The following MARCHF7 variants were observed in gnomAD, a reference collection of about 807,000 sequenced individuals.
MARCHF7 encodes E3 ubiquitin-protein ligase MARCHF7.
In MARCHF7, 20 loss-of-function variants were observed where a neutral mutation model predicts 76.5. The ratio of observed to expected loss-of-function variants is 0.26; its 90% CI spans 0.18 to 0.38. The LOEUF (loss-of-function observed/expected upper bound fraction) is 0.38. Among genes scored for constraint, MARCHF7 ranks in the 10% least tolerant of loss-of-function variants. The probability of loss-of-function intolerance (pLI) is 1.00; values close to 1 mark genes in which losing one functional copy is unlikely to be tolerated. For synonymous variants in MARCHF7, 295 were observed against 293.0 expected, an observed-to-expected ratio of 1.01 and a Z score of -0.07; for missense variants, 797 against 812.9, an observed-to-expected ratio of 0.98 and a Z score of 0.24.
chr2:159,723,288 T>C (rs1339760529), intron 3 of MARCHF7, among the ~76,000 whole-genome samples: 2 of 152,236 alleles, frequency 1.3e-5, no homozygotes, highest in Non-Finnish European at 2.9e-5. Flanking sequence ...AAGCCGATGG[T>C]AGAAAAGATT....
At chr2:159,762,174 A>G (rs1416258325) in intron 9 of MARCHF7, among the ~76,000 whole-genome samples, 9 of 152,214 alleles carry the variant, frequency 5.9e-5, no homozygotes, top group Non-Finnish European at 1.3e-4. Flanking sequence ...AACTTTTGTT[A>G]TCTCTCCCTT....
At chr2:159,742,829 C>T (rs1704303734) in intron 4 of MARCHF7, among the ~76,000 whole-genome samples, 1 of 152,024 alleles carries the variant, frequency 6.6e-6, no homozygotes, top group South Asian at 2.1e-4. Flanking sequence ...GCCAGCTACT[C>T]AGGAGGCTGA....
chr2:159,767,301 G>A lies in MARCHF7; in HGVS notation c.2074G>A (p.Glu692Lys). Residue 692 changes from glutamate (E) to lysine (K), a missense_variant, in exon 12 of 12, where the codon GAA (glutamate) becomes AAA (lysine). By Grantham distance (56) the Glu-to-Lys change is moderately conservative (BLOSUM62 1). This residue lies in a region of MARCHF7 where 124 missense variants were observed against 121.3 expected (regional missense o/e 1.02). Transcript: ENST00000409175. ...EDLETSEDDSEEDGDHNRTFD... is the reference protein window; with the variant it reads ...EDLETSEDDSKEDGDHNRTFD... ...TTCAACAGCTTCAGAGGATGATTCC[G>A]AAGAAGACGGAGACCATAACAGGAC... 6.2e-7 allele frequency: 1 copy of A among 1,610,832 alleles called. No homozygotes were observed.
At chr2:159,736,781 A>G (rs533981355) in intron 4 of MARCHF7, among the ~76,000 whole-genome samples, 1 of 152,350 alleles carries the variant, frequency 6.6e-6, no homozygotes, top group East Asian at 1.9e-4. Flanking sequence ...TGCTAGTTAT[A>G]TAAAGTCTTG....
In MARCHF7 at chr2:159,748,819, G is replaced by A. The variant is rs1389293787; in HGVS notation, c.1529G>A (p.Gly510Asp). The A allele has an allele frequency of 6.2e-7, 1 of 1,614,078 alleles. No homozygotes were observed. The highest frequency in any genetic ancestry group is 1.1e-5 in the South Asian group (1 of 91,074). Residue 510 changes from glycine (G) to aspartate (D), a missense_variant, in exon 7 of 12, where the codon GGT (glycine) becomes GAT (aspartate). Physicochemically the swap from Gly to Asp is moderately conservative, Grantham distance 94. Coordinates refer to ENST00000409175, the MANE Select transcript of MARCHF7 (RefSeq NM_001282805.2). The stretch of plus-strand genomic sequence containing the variant: ...ATCACAGTAGATATTATTCCTTCAG[G>A]TTGGAATTCAGCTGATGGTAAAAGT... ...VMITVDIIPS[G>D]WNSADGKSDK...
Position 159,752,701 on chromosome 2 carries a change from G to A in MARCHF7, c.1783+130G>A, listed in dbSNP as rs1024572851. On this transcript the variant is annotated intron_variant, in intron 8 of 11. Coordinates refer to ENST00000409175, the MANE Select transcript of MARCHF7 (RefSeq NM_001282805.2). The stretch of plus-strand genomic sequence containing the variant: ...TGTCTTAATCATTTTTGAAGTCTCA[G>A]CAGAAGCATTAAAGAGCATTAGTGT... 8 of 836,884 alleles carry A rather than the reference G, an allele frequency of 9.6e-6. No homozygotes were observed. The Admixed American group carries it at 2.4e-4, about 25-fold the overall frequency. 51.8% of individuals were successfully genotyped at this position (836,884 alleles called of 1,614,324 possible).
intron 9 of MARCHF7, among the ~76,000 whole-genome samples, chr2:159,761,406 CTTTTTTTT>C (rs747902045): frequency 2.7e-5 from 2 of 73,776 alleles, no homozygotes; most frequent in South Asian, 5.0e-4. Context: ...TGAATCATTT[CTTTTTTTT>C]TTTTTTTTTT....
chr2:159,715,345 T>A (rs1236789142), intron 2 of MARCHF7, among the ~76,000 whole-genome samples: 1 of 150,794 alleles, frequency 6.6e-6, no homozygotes, highest in African/African-American at 2.5e-5. Context: ...AAATTATAAT[T>A]TGAGAGTTTA....
chr2:159,758,003 C>T (rs769974777), intron 8 of MARCHF7, among the ~76,000 whole-genome samples: 16 of 152,168 alleles, frequency 1.1e-4, no homozygotes, highest in Non-Finnish European at 2.4e-4. Flanking sequence ...AAAATTCTGA[C>T]ACTGGTTATT....
At chr2:159,733,108 T>A (rs1703020961) in intron 4 of MARCHF7, 1 of 607,170 alleles carries the variant, frequency 1.6e-6, no homozygotes, top group African/African-American at 2.0e-5. Context: ...CCATTATTAT[T>A]TCCTGGCTTT....
At chr2:159,715,495 C>T (rs373836163) in intron 2 of MARCHF7, among the ~76,000 whole-genome samples, 186 bp from the exon 3 acceptor site, 10 of 151,938 alleles carry the variant, frequency 6.6e-5, no homozygotes, top group African/African-American at 1.5e-4. Context: ...TACAGGTGCG[C>T]GCCACCATGT....
rs573843419 is a variant in MARCHF7 at position 159,731,920 on chromosome 2, C to T, written c.153+2745C>T. 1.4e-4 allele frequency among the ~76,000 whole-genome samples: 21 copies of T among 151,044 alleles called. No individual in the cohort carries two copies. The East Asian group carries it at 3.9e-3, about 28-fold the overall frequency. The stretch of plus-strand genomic sequence containing the variant: ...GAGATCGAGACCATCCTGGCTAACA[C>T]AGTGAAACCCCGTCTCCACTAAAAT... On this transcript the variant is annotated intron_variant, in intron 4 of 11. Transcript: ENST00000409175.
intron 3 of MARCHF7, among the ~76,000 whole-genome samples, chr2:159,719,285 A>G (rs752717662): frequency 2.0e-5 from 3 of 152,062 alleles, no homozygotes; most frequent in Admixed American, 6.6e-5. Flanking sequence ...GCCTCAAGCA[A>G]TCCTGCCCTG....
chr2:159,765,352 A>G (rs141804922), intron 11 of MARCHF7, among the ~76,000 whole-genome samples: 16 of 152,158 alleles, frequency 1.1e-4, no homozygotes, highest in Admixed American at 4.6e-4. Context: ...AAATCTCTAC[A>G]GGCATCTATA....
intron 9 of MARCHF7, among the ~76,000 whole-genome samples, chr2:159,760,478 G>A (rs1172055934): frequency 6.6e-6 from 1 of 152,156 alleles, no homozygotes; most frequent in Admixed American, 6.5e-5. Flanking sequence ...TGTCCAAAAA[G>A]AAAATCACTT....
At chr2:159,738,800 GCCAT>G (rs1402625682) in intron 4 of MARCHF7, among the ~76,000 whole-genome samples, 3 of 152,308 alleles carry the variant, frequency 2.0e-5, no homozygotes, top group Middle Eastern at 3.4e-3. Flanking sequence ...CAGGCTTCAG[GCCAT>G]CCCAGGCTTA....
chr2:159,741,648 G>A (rs1188258089), intron 4 of MARCHF7, among the ~76,000 whole-genome samples: 1 of 152,160 alleles, frequency 6.6e-6, no homozygotes, highest in African/African-American at 2.4e-5. Context: ...TTAGATGAAT[G>A]TAGACTGAAA....
In MARCHF7 at chr2:159,745,952, C is replaced by T; in HGVS notation, c.514+15C>T. 2 of 1,598,084 alleles carry T rather than the reference C, an allele frequency of 1.3e-6. No individual in the cohort carries two copies. Among genetic ancestry groups the T allele is most frequent in the South Asian group, 2.2e-5 (2 of 89,046 alleles). On this transcript the variant is annotated intron_variant, in intron 6 of 11. Transcript: ENST00000409175. ...AACTTCATCATGTATGTATAAATTA[C>T]ATCAAGTATAACTTCTCATAATGTT...
At chr2:159,759,094 G>T in intron 8 of MARCHF7, 132 bp from the exon 9 acceptor site, 1 of 588,216 alleles carries the variant, frequency 1.7e-6, no homozygotes, top group East Asian at 2.9e-5. Flanking sequence ...GTTTACTGCA[G>T]AAATGTAATA....
Sources: allele counts gnomAD v4.1 joint callset (sites outside exome capture counted in the v4.1 genomes callset), GRCh38; gene constraint gnomAD v4.1.1; regional missense constraint gnomAD v4.1.1; transcripts MANE v1.5; gene names NCBI Gene and HGNC (gene_info 2026-07-23, HGNC 2026-07-21).